Variants in PEX13 observed in about 807,000 individuals in gnomAD.
The protein encoded by PEX13 is peroxisome biogenesis factor 13.
In PEX13, 28 loss-of-function variants were observed where a neutral mutation model predicts 34.5. The ratio of observed to expected loss-of-function variants is 0.81; its 90% CI spans 0.60 to 1.11. The LOEUF is 1.11. Among genes scored for constraint, PEX13 ranks in the 50% most tolerant of loss-of-function variants. The probability of loss-of-function intolerance (pLI) is 0.00; values close to 1 mark genes in which losing one functional copy is unlikely to be tolerated. For synonymous variants in PEX13, 177 were observed against 175.1 expected (o/e 1.01, Z -0.09); for missense variants, 550 against 491.0 (o/e 1.12, Z -1.13).
At chr2:61,018,984 ATATAT>A (rs1479317513) in intron 1 of PEX13, 27 of 152,458 alleles carry the variant, frequency 1.8e-4, no homozygotes, top group Middle Eastern at 3.4e-3. Flanking sequence ...GATAATACCT[ATATAT>A]TCACTACTCA....
At position 61,045,896 on chromosome 2, in the gene PEX13, T is replaced by C. The variant is rs766310840; in HGVS notation, c.913+45T>C. On this transcript the variant is annotated intron_variant, in intron 3 of 3. Transcript: ENST00000295030. ...TTGGAATTATCTGTAAATTTTGATA[T>C]TCATAAATGCAGTATTAAAAACTAC... 2.2e-5 allele frequency: 32 copies of C among 1,475,282 alleles called. No homozygotes were observed. In the South Asian group the frequency reaches 3.4e-4, roughly 16 times the overall value. The allele number at this position is 1,475,282 out of a possible 1,614,324, so 91.4% of individuals were successfully genotyped here. A position where few individuals can be genotyped will look rare whatever the true frequency, so the allele number is the denominator to read the frequency against.
chr2:61,037,154 G>A (rs1277643694), intron 2 of PEX13, among the ~76,000 whole-genome samples: 4 of 152,134 alleles, frequency 2.6e-5, no homozygotes, highest in African/African-American at 9.7e-5. Flanking sequence ...AAGAGACTTA[G>A]ACTCGCACAC....
At chr2:61,021,380 C>G (rs1680259424) in intron 1 of PEX13, among the ~76,000 whole-genome samples, 1 of 152,232 alleles carries the variant, frequency 6.6e-6, no homozygotes, top group South Asian at 2.1e-4. Flanking sequence ...CCATGCCTGG[C>G]TTGACGGATC....
In PEX13 at chr2:61,023,827, C is replaced by G. The variant is rs891215187; in HGVS notation, c.92+5976C>G. ...TGTTTGTTTGTTTTGAAATAAGTTT[C>G]ACTCTGTCACCAGGCTGGAGTGTGG... On this transcript the variant is annotated intron_variant, in intron 1 of 3. Transcript: ENST00000295030. Among the ~76,000 whole-genome samples the G allele has an allele frequency of 2.8e-5, 4 of 145,008 alleles. No individual in the cohort carries two copies. In the East Asian group the frequency reaches 6.1e-4, roughly 22 times the overall value.
intron 1 of PEX13, chr2:61,018,133 A>G (rs1348676074): frequency 1.9e-6 from 3 of 1,549,356 alleles, no homozygotes; most frequent in South Asian, 1.2e-5. Flanking sequence ...GCGGCTTCCT[A>G]CCTACCGCTT....
chr2:61,031,830 T>C lies in PEX13; in HGVS notation c.504T>C (p.Phe168=), dbSNP rs1176454924. ...CTGTATTGGATGTAGCAAATCACTT[T>C]TCCCGATTGAAAATACACTTTACAA... ...FRAVLDVANH[F]SRLKIHFTKV... Residue 168 remains phenylalanine, a synonymous_variant, in exon 2 of 4, where the codon TTT becomes TTC. Coordinates refer to ENST00000295030, the MANE Select transcript of PEX13 (RefSeq NM_002618.4). The C allele has an allele frequency of 3.1e-6, 5 of 1,613,736 alleles. No homozygotes were observed. The South Asian group carries it at 4.4e-5, about 14-fold the overall frequency.
At chr2:61,020,971 T>A (rs981454652) in intron 1 of PEX13, among the ~76,000 whole-genome samples, 2 of 152,264 alleles carry the variant, frequency 1.3e-5, no homozygotes, top group East Asian at 3.9e-4. Context: ...TTGCTCAGAT[T>A]TTTATTGTGA....
chr2:61,043,131 C>T (rs917078738), intron 2 of PEX13, among the ~76,000 whole-genome samples: 7 of 151,992 alleles, frequency 4.6e-5, no homozygotes, highest in South Asian at 4.1e-4. Context: ...TTCCTAGCCC[C>T]CAGAACTGTG....
At chr2:61,032,530 G>T (rs1438832778) in intron 2 of PEX13, among the ~76,000 whole-genome samples, 1 of 152,156 alleles carries the variant, frequency 6.6e-6, no homozygotes, top group Admixed American at 6.6e-5. Context: ...TAGGTATTTT[G>T]TGTGTTTTAT....
intron 2 of PEX13, among the ~76,000 whole-genome samples, chr2:61,033,907 C>T (rs1239587966): frequency 6.6e-6 from 1 of 152,036 alleles, no homozygotes; most frequent in East Asian, 1.9e-4. Flanking sequence ...GAACATTGGC[C>T]TTTATTCCAA....
In PEX13 at chr2:61,031,566, T is replaced by G. The variant is rs1226367572; in HGVS notation, c.240T>G (p.Ser80=). The G allele has an allele frequency of 6.2e-7, 1 of 1,614,206 alleles. No homozygotes were observed. Among genetic ancestry groups the G allele is most frequent in the East Asian group, 2.2e-5 (1 of 44,894 alleles). Residue 80 remains serine (S), a synonymous_variant, in exon 2 of 4, where the codon TCT becomes TCG. Coordinates refer to ENST00000295030, the MANE Select transcript of PEX13 (RefSeq NM_002618.4). The part of the protein sequence containing the change: ...TFRPAYSSFS[S]GYGAYGNSFY... ...GACCTGCTTACAGTTCATTTTCTTCTGGATATGGTGCCTATGGAAATTCAT... is the reference window on the plus strand; with the variant it reads ...GACCTGCTTACAGTTCATTTTCTTCGGGATATGGTGCCTATGGAAATTCAT...
chr2:61,032,843 A>G (rs1680474743), intron 2 of PEX13, among the ~76,000 whole-genome samples: 1 of 152,212 alleles, frequency 6.6e-6, no homozygotes, highest in Non-Finnish European at 1.5e-5. Flanking sequence ...AAAAACTATC[A>G]AGCTGATAGA....
chr2:61,037,123 G>T (rs532517995), intron 2 of PEX13, among the ~76,000 whole-genome samples: 5 of 152,156 alleles, frequency 3.3e-5, no homozygotes, highest in African/African-American at 1.2e-4. Flanking sequence ...GATTCATAAA[G>T]TAAGACCTTA....
intron 1 of PEX13, among the ~76,000 whole-genome samples, chr2:61,026,349 T>C (rs891322483): frequency 6.8e-6 from 1 of 146,164 alleles, no homozygotes; most frequent in Non-Finnish European, 1.5e-5. Context: ...TTTTTCTTTT[T>C]TTTTTTTTTT....
chr2:61,018,094 C>G, intron 1 of PEX13: 1 of 1,539,384 alleles, frequency 6.5e-7, no homozygotes, highest in Non-Finnish European at 8.8e-7. Context: ...GGGCGTCTCT[C>G]TGGGTCTCTG....
At chr2:61,019,504 A>G (rs1161158914) in intron 1 of PEX13, among the ~76,000 whole-genome samples, 1 of 152,166 alleles carries the variant, frequency 6.6e-6, no homozygotes, top group African/African-American at 2.4e-5. Context: ...TACCTAGATC[A>G]GGACAGTTTT....
intron 1 of PEX13, among the ~76,000 whole-genome samples, chr2:61,019,641 A>T (rs1046486733): frequency 6.6e-6 from 1 of 152,010 alleles, no homozygotes; most frequent in Admixed American, 6.6e-5. Flanking sequence ...CCATTTATTG[A>T]GTAGTCTATT....
At chr2:61,022,139 T>A (rs1217749712) in intron 1 of PEX13, among the ~76,000 whole-genome samples, 4 of 152,160 alleles carry the variant, frequency 2.6e-5, no homozygotes, top group African/African-American at 9.7e-5. Context: ...GGATCGCAGC[T>A]CCTTGCCAGC....
At chr2:61,020,152 C>T (rs1019405649) in intron 1 of PEX13, among the ~76,000 whole-genome samples, 3 of 152,032 alleles carry the variant, frequency 2.0e-5, no homozygotes, top group Admixed American at 1.3e-4. Flanking sequence ...CGTGAACCCA[C>T]GAGGCGGAGC....
Sources: allele counts gnomAD v4.1 joint callset (sites outside exome capture counted in the v4.1 genomes callset), GRCh38; gene constraint gnomAD v4.1.1; transcripts MANE v1.5; gene names NCBI Gene and HGNC (gene_info 2026-07-23, HGNC 2026-07-21).